Variants in SATB2 observed in about 807,000 individuals in gnomAD.
The protein encoded by SATB2 is DNA-binding protein SATB2.
Under a neutral mutation model 73.4 loss-of-function variants are expected in SATB2, and 1 was observed. The ratio of observed to expected loss-of-function variants is 0.01; its 90% CI spans 0.00 to 0.06. The LOEUF (loss-of-function observed/expected upper bound fraction) is 0.06. SATB2 is among the 10% of genes least tolerant of loss of function. The pLI, the probability that SATB2 is intolerant of heterozygous loss-of-function variation, is 1.00. For missense variants in SATB2, 459 were observed against 945.8 expected, an observed-to-expected ratio of 0.49 and a Z score of 6.75; for synonymous variants, 397 against 367.0, an observed-to-expected ratio of 1.08 and a Z score of -0.93.
At chr2:199,323,726 A>T in intron 9 of SATB2, 77 bp downstream of exon 9, 1 of 1,353,818 alleles carries the variant, frequency 7.4e-7, no homozygotes, top group Non-Finnish European at 1.1e-6. Context: ...TTATAGGAAC[A>T]GATGTATTTT....
At chr2:199,328,564 T>G in intron 8 of SATB2, 134 bp downstream of exon 8, 1 of 640,640 alleles carries the variant, frequency 1.6e-6, no homozygotes, top group Non-Finnish European at 2.6e-6. Flanking sequence ...TAAAATAAAA[T>G]AAAATAAGAA....
chr2:199,462,994 G>A lies in SATB2; in HGVS notation c.-141+1842C>T, dbSNP rs1692514158. On this transcript the variant is annotated intron_variant, in intron 1 of 11. Coordinates refer to the SATB2 transcript ENST00000260926. The surrounding 1 kb of genome is among the most constrained non-coding windows in gnomAD (Gnocchi z 5.9). ...TTCCCGGGGTAGGAGATGGGCGTCG[G>A]GTGTGGGCACTGCCTGCCCTGGGGG... Among the ~76,000 whole-genome samples, 1 of 152,180 alleles carries A rather than the reference G, an allele frequency of 6.6e-6. No homozygotes were observed. Among genetic ancestry groups the A allele is most frequent in the African/African-American group, 2.4e-5 (1 of 41,454 alleles).
At chr2:199,449,005 G>A (rs1010233307) in intron 2 of SATB2, among the ~76,000 whole-genome samples, 11 of 152,134 alleles carry the variant, frequency 7.2e-5, no homozygotes, top group African/African-American at 2.7e-4. Context: ...TAAAGAATAT[G>A]CTTACTATAA....
intron 7 of SATB2, among the ~76,000 whole-genome samples, chr2:199,342,166 G>A (rs1289450703): frequency 3.3e-5 from 5 of 152,100 alleles, no homozygotes; most frequent in Non-Finnish European, 5.9e-5. Context: ...CCATGGGCCG[G>A]GGAGCGGGGA....
chr2:199,369,631 G>A (rs903913986), intron 5 of SATB2, among the ~76,000 whole-genome samples: 5 of 152,078 alleles, frequency 3.3e-5, no homozygotes, highest in African/African-American at 9.7e-5. Context: ...CCTGTGTAAG[G>A]TTTTATATCT....
At chr2:199,440,568 T>G in intron 2 of SATB2, among the ~76,000 whole-genome samples, 1 of 152,230 alleles carries the variant, frequency 6.6e-6, no homozygotes, top group East Asian at 1.9e-4. Context: ...AGCAATCATT[T>G]GGATGCAAAG....
chr2:199,379,366 T>G (rs1382946565), intron 5 of SATB2, among the ~76,000 whole-genome samples: 2 of 152,212 alleles, frequency 1.3e-5, no homozygotes, highest in African/African-American at 4.8e-5. Context: ...TACAAATGTA[T>G]ATGATGTAAA....
chr2:199,360,535 A>T (rs1472495406), intron 6 of SATB2, among the ~76,000 whole-genome samples: 1 of 151,950 alleles, frequency 6.6e-6, no homozygotes, highest in Non-Finnish European at 1.5e-5. Flanking sequence ...CGTCCACTCC[A>T]TCTCTAGAAC....
chr2:199,284,861 TATA>T (rs1397993082), intron 10 of SATB2, among the ~76,000 whole-genome samples: 3 of 152,080 alleles, frequency 2.0e-5, no homozygotes, highest in Non-Finnish European at 2.9e-5. Flanking sequence ...AACAATATAG[TATA>T]ATAACTATTT....
upstream of SATB2, chr2:199,460,415 A>G (rs181423161): frequency 1.3e-5 from 2 of 152,510 alleles, no homozygotes; most frequent in Admixed American, 1.3e-4. This position sits in a 1 kb window ranked among gnomAD's most constrained non-coding sequence, Gnocchi z 4.0. Context: ...TCTTACTAAT[A>G]TCTCAACAAC....
intron 9 of SATB2, 49 bp from the exon 10 acceptor site, chr2:199,309,006 C>T: frequency 6.7e-7 from 1 of 1,485,552 alleles, no homozygotes. Flanking sequence ...TGTAGAGGAG[C>T]TGAGGGGGCC....
intron 10 of SATB2, among the ~76,000 whole-genome samples, chr2:199,301,276 A>AT (rs1243249826): frequency 2.0e-5 from 3 of 152,108 alleles, no homozygotes; most frequent in Non-Finnish European, 4.4e-5. Flanking sequence ...TTTACATTAA[A>AT]AAAGAAGTCA....
chr2:199,293,671 G>C (rs1692940029), intron 10 of SATB2, among the ~76,000 whole-genome samples: 1 of 152,116 alleles, frequency 6.6e-6, no homozygotes, highest in Non-Finnish European at 1.5e-5. Flanking sequence ...TATTACCCAT[G>C]ATATGCTACA....
At chr2:199,298,447 A>T (rs1838858) in intron 10 of SATB2, among the ~76,000 whole-genome samples, 143,893 of 152,232 alleles carry the variant, frequency 0.95, 68,544 homozygotes, top group East Asian at 1. Flanking sequence ...AGTATTTTTT[A>T]AAAAAGAAGA....
At chr2:199,280,423 G>T (rs1375591378) in intron 10 of SATB2, among the ~76,000 whole-genome samples, 1 of 152,160 alleles carries the variant, frequency 6.6e-6, no homozygotes, top group Non-Finnish European at 1.5e-5. Flanking sequence ...TAACAGCAAT[G>T]TTCAGGGAAC....
At chr2:199,303,850 T>A (rs1169904509) in intron 10 of SATB2, among the ~76,000 whole-genome samples, 1 of 152,168 alleles carries the variant, frequency 6.6e-6, no homozygotes, top group Non-Finnish European at 1.5e-5. Flanking sequence ...TCTTATTCAA[T>A]GTACGGCATG....
chr2:199,366,519 C>T (rs1689289736), intron 6 of SATB2, among the ~76,000 whole-genome samples: 1 of 152,060 alleles, frequency 6.6e-6, no homozygotes, highest in African/African-American at 2.4e-5. Context: ...GTCATGAATT[C>T]TTTGTTTTTC....
intron 2 of SATB2, among the ~76,000 whole-genome samples, chr2:199,449,522 G>A (rs959748496): frequency 9.9e-5 from 15 of 152,130 alleles, no homozygotes; most frequent in African/African-American, 3.6e-4. Flanking sequence ...CATAAAAGAA[G>A]AAAAATAATG....
intron 10 of SATB2, among the ~76,000 whole-genome samples, chr2:199,301,862 T>C (rs964791374): frequency 4.6e-5 from 7 of 152,052 alleles, no homozygotes; most frequent in Middle Eastern, 3.2e-3. Flanking sequence ...TGGAAAGAAG[T>C]TGACATGAGA....
Sources: gnomAD v4.1 joint callset for allele counts (sites outside exome capture counted in the v4.1 genomes callset) on GRCh38, gnomAD v4.1.1 for gene constraint, Gnocchi (gnomAD v3.1) non-coding constraint, MANE v1.5 for transcripts, NCBI Gene and HGNC (gene_info 2026-07-23, HGNC 2026-07-21) for gene names.